The following PLXNC1 variants were observed in gnomAD, a reference collection of about 807,000 sequenced individuals.
PLXNC1 encodes plexin-C1.
Under a neutral mutation model 178.2 loss-of-function variants are expected in PLXNC1, and 75 were observed. The ratio of observed to expected loss-of-function variants is 0.42; its 90% CI spans 0.35 to 0.51. The LOEUF is 0.51. PLXNC1 is among the 20% of genes least tolerant of loss of function. The pLI, the probability that PLXNC1 is intolerant of heterozygous loss-of-function variation, is 0.02. For missense variants in PLXNC1, 1,503 were observed against 1,984.4 expected, an observed-to-expected ratio of 0.76 and a Z score of 4.61; for synonymous variants, 790 against 779.9, an observed-to-expected ratio of 1.01 and a Z score of -0.22.
intron 15 of PLXNC1, among the ~76,000 whole-genome samples, chr12:94,253,211 G>GAA (rs35584186): frequency 0.15 from 6,352 of 41,924 alleles, 2,073 homozygotes; most frequent in East Asian, 0.45. Context: ...CTCCGTCTCA[G>GAA]AAAAAAAAAA....
chr12:94,179,066 C>T (rs951140628), intron 2 of PLXNC1, among the ~76,000 whole-genome samples: 5 of 152,312 alleles, frequency 3.3e-5, no homozygotes, highest in Non-Finnish European at 5.9e-5. Flanking sequence ...AGTCACTGAT[C>T]GCAGGGCAAA....
chr12:94,245,006 C>T (rs1964488189), intron 12 of PLXNC1, among the ~76,000 whole-genome samples: 1 of 152,252 alleles, frequency 6.6e-6, no homozygotes, highest in Non-Finnish European at 1.5e-5. Flanking sequence ...GGCTGACACA[C>T]TCCCTCCTCA....
chr12:94,222,753 G>A (rs373758654), intron 6 of PLXNC1, among the ~76,000 whole-genome samples: 13 of 151,898 alleles, frequency 8.6e-5, no homozygotes, highest in African/African-American at 2.4e-4. Context: ...CTTCATCACC[G>A]GACACTTATA....
chr12:94,286,989 C>T (rs992472715), intron 23 of PLXNC1, among the ~76,000 whole-genome samples: 3 of 152,208 alleles, frequency 2.0e-5, no homozygotes, highest in African/African-American at 7.2e-5. Flanking sequence ...CACCTACTGG[C>T]TGACACCCTT....
intron 4 of PLXNC1, among the ~76,000 whole-genome samples, chr12:94,209,294 G>A (rs558507553): frequency 6.6e-6 from 1 of 152,306 alleles, no homozygotes; most frequent in East Asian, 1.9e-4. Context: ...ATGTGTTTCA[G>A]ATATATTTGG....
In PLXNC1 at chr12:94,209,531, G is replaced by A. The variant is rs889968771; in HGVS notation, c.1440-59G>A. On this transcript the variant is annotated intron_variant, in intron 4 of 30. Coordinates refer to ENST00000258526, the MANE Select transcript of PLXNC1 (RefSeq NM_005761.3). ...AAAGTTTTAACTAATGCACGTATGG[G>A]GTCGCTGTTTTAACTAACACACGTA... 74 of 944,750 alleles carry A rather than the reference G, an allele frequency of 7.8e-5. No individual in the cohort carries two copies. In the Admixed American group the frequency reaches 1.3e-3, roughly 17 times the overall value. The allele number at this position is 944,750 out of a possible 1,614,324, so 58.5% of individuals were successfully genotyped here. A position where few individuals can be genotyped will look rare whatever the true frequency, so the allele number is the denominator to read the frequency against.
In PLXNC1 at chr12:94,227,244, C is replaced by G. The variant is rs745725845; in HGVS notation, c.1980+9C>G. On this transcript the variant is annotated intron_variant, in intron 9 of 30. Transcript: ENST00000258526. ...CCAACCAGGCTTTACAGGTCAGACC[C>G]TATTTTTGTGTGGTTGAGGGGAAAA... 6 of 1,571,926 alleles carry G rather than the reference C, an allele frequency of 3.8e-6. No individual in the cohort carries two copies. Among genetic ancestry groups the G allele is most frequent in the Non-Finnish European group, 5.3e-6 (6 of 1,141,942 alleles).
chr12:94,180,917 G>C (rs1361086681), intron 2 of PLXNC1, among the ~76,000 whole-genome samples: 1 of 151,966 alleles, frequency 6.6e-6, no homozygotes, highest in Non-Finnish European at 1.5e-5. Flanking sequence ...GGCTTTTTTT[G>C]TTTGTTCATT....
intron 21 of PLXNC1, among the ~76,000 whole-genome samples, chr12:94,278,599 G>C (rs1438067788): frequency 6.6e-6 from 1 of 152,094 alleles, no homozygotes; most frequent in Non-Finnish European, 1.5e-5. Flanking sequence ...GTATGGGGTG[G>C]GGATCTCAGT....
At chr12:94,262,142 C>T (rs998297377) in intron 20 of PLXNC1, among the ~76,000 whole-genome samples, 3 of 152,188 alleles carry the variant, frequency 2.0e-5, no homozygotes, top group African/African-American at 7.2e-5. Context: ...ACCACAGTCT[C>T]ACTGGATCAG....
At chr12:94,220,596 A>G (rs1963766860) in intron 6 of PLXNC1, among the ~76,000 whole-genome samples, 1 of 152,222 alleles carries the variant, frequency 6.6e-6, no homozygotes, top group Non-Finnish European at 1.5e-5. Context: ...GTGAGGCACT[A>G]TGCTAGGTAC....
At chr12:94,302,751 T>C (rs1216707116) in intron 28 of PLXNC1, among the ~76,000 whole-genome samples, 2 of 152,188 alleles carry the variant, frequency 1.3e-5, no homozygotes, top group Non-Finnish European at 2.9e-5. Flanking sequence ...TTCTGTCAAC[T>C]ACTGCTGCTA....
chr12:94,200,797 C>A (rs1223763618), intron 4 of PLXNC1, among the ~76,000 whole-genome samples: 1 of 152,158 alleles, frequency 6.6e-6, no homozygotes, highest in African/African-American at 2.4e-5. Flanking sequence ...CACAAAAGAA[C>A]CACATGGAGC....
At position 94,181,996 on chromosome 12, in the gene PLXNC1, G is replaced by A. The variant is rs1242766097; in HGVS notation, c.1338+416G>A. Among the ~76,000 whole-genome samples, 3 of 151,980 alleles carry A rather than the reference G, an allele frequency of 2.0e-5. No individual in the cohort carries two copies. In the East Asian group the frequency reaches 5.8e-4, roughly 29 times the overall value. The stretch of plus-strand genomic sequence containing the variant: ...AGTCTCATACACATTCATGAACCAG[G>A]AAATATATGGTACTCCCCCTCCCCC... On this transcript the variant is annotated intron_variant, in intron 3 of 30. Coordinates refer to ENST00000258526, the MANE Select transcript of PLXNC1 (RefSeq NM_005761.3).
intron 1 of PLXNC1, among the ~76,000 whole-genome samples, chr12:94,152,257 C>T (rs1960989077): frequency 6.6e-6 from 1 of 152,024 alleles, no homozygotes; most frequent in South Asian, 2.1e-4. Flanking sequence ...AATTGAATTT[C>T]AAGAGGAGTT....
chr12:94,157,343 A>G (rs1592717659), intron 1 of PLXNC1, among the ~76,000 whole-genome samples: 2 of 152,238 alleles, frequency 1.3e-5, no homozygotes, highest in Non-Finnish European at 2.9e-5. Context: ...AAGTTTTTTG[A>G]TGACCACTCC....
intron 2 of PLXNC1, among the ~76,000 whole-genome samples, 159 bp from the exon 3 acceptor site, chr12:94,181,287 C>T (rs1479980576): frequency 6.6e-6 from 1 of 151,434 alleles, no homozygotes; most frequent in Admixed American, 6.6e-5. Context: ...ACTTGGGAGG[C>T]TGAGGCAGTG....
At chr12:94,195,787 C>G (rs903002668) in intron 4 of PLXNC1, among the ~76,000 whole-genome samples, 1 of 152,144 alleles carries the variant, frequency 6.6e-6, no homozygotes, top group Admixed American at 6.5e-5. Context: ...ACAGCAGGGC[C>G]CTGTGGTCAG....
At chr12:94,302,246 A>T (rs1417121079) in intron 28 of PLXNC1, among the ~76,000 whole-genome samples, 1 of 151,886 alleles carries the variant, frequency 6.6e-6, no homozygotes, top group Non-Finnish European at 1.5e-5. Flanking sequence ...CCACATACCC[A>T]CTGTGCTACA....
Sources: gnomAD v4.1 joint callset for allele counts (sites outside exome capture counted in the v4.1 genomes callset) on GRCh38, gnomAD v4.1.1 for gene constraint, MANE v1.5 for transcripts, NCBI Gene and HGNC (gene_info 2026-07-23, HGNC 2026-07-21) for gene names.